Variants in KLK5 observed in about 807,000 individuals in gnomAD.
The protein encoded by KLK5 is kallikrein related peptidase 5.
Under a neutral mutation model 24.0 loss-of-function variants are expected in KLK5, and 18 were observed. The observed-to-expected ratio is 0.75, with a 90% confidence interval of 0.52 to 1.11. The LOEUF (loss-of-function observed/expected upper bound fraction) is 1.11. Ranked by LOEUF, KLK5 falls within the 50% of genes most tolerant of loss-of-function variation. KLK5 has a pLI of 0.00. For synonymous variants in KLK5, 140 were observed against 154.0 expected (o/e 0.91, Z 0.67); for missense variants, 374 against 379.2 (o/e 0.99, Z 0.11).
chr19:50,944,549 TC>T (rs2090614713), intron 5 of KLK5, among the ~76,000 whole-genome samples: 1 of 152,032 alleles, frequency 6.6e-6, no homozygotes, highest in Non-Finnish European at 1.5e-5. Flanking sequence ...ACACCTTCCT[TC>T]CCCATTCTCC....
chr19:50,949,965 C>T lies in KLK5; in HGVS notation c.225G>A (p.Met75Ile), dbSNP rs2090671649. 1 of 1,613,826 alleles carries T rather than the reference C, an allele frequency of 6.2e-7. No individual in the cohort carries two copies. Among genetic ancestry groups the T allele is most frequent in the Non-Finnish European group, 8.5e-7 (1 of 1,180,010 alleles). ...GCGCGGCCTGCCACGGCTGGGTGTG[C>T]ATATCGCAGTCGGATCCATTGATGA... ...SRIINGSDCD[M>I]HTQPWQAALL... Residue 75 changes from methionine (M) to isoleucine (I), a missense_variant, in exon 3 of 6, where the codon ATG becomes ATA. Transcript: ENST00000336334.
intron 5 of KLK5, among the ~76,000 whole-genome samples, chr19:50,946,287 A>G (rs2090633108): frequency 6.6e-6 from 1 of 152,226 alleles, no homozygotes; most frequent in Non-Finnish European, 1.5e-5. Flanking sequence ...ATAACAGGTA[A>G]ATGAGTTAAT....
Position 50,948,969 on chromosome 19 carries a change from C to G in KLK5, c.482G>C (p.Arg161Thr). The change falls in exon 4 of 6, where the codon AGA (arginine) becomes ACA (threonine). Residue 161 changes from arginine to threonine, a missense_variant. Arg to Thr is a moderately conservative substitution (Grantham distance 71). Coordinates refer to ENST00000336334, the MANE Select transcript of KLK5 (RefSeq NM_012427.5). ...GACATCTTTAGTGGGACGAATTCTT[C>G]TGTTCAGTTTGATGAGCATGAGGTC... Reference protein sequence around the residue: ...SNDLMLIKLNRRIRPTKDVRP... With the variant: ...SNDLMLIKLNTRIRPTKDVRP... 6.2e-7 allele frequency: 1 copy of G among 1,614,054 alleles called. No individual in the cohort carries two copies. The highest frequency in any genetic ancestry group is 2.2e-5 in the East Asian group (1 of 44,884).
Position 50,947,139 on chromosome 19 carries a change from G to C in KLK5, c.726+1501C>G, listed in dbSNP as rs942480593. 6.6e-6 allele frequency among the ~76,000 whole-genome samples: 1 copy of C among 152,162 alleles called. No individual in the cohort carries two copies. Among genetic ancestry groups the C allele is most frequent in the Non-Finnish European group, 1.5e-5 (1 of 68,032 alleles). ...GAGAAGGGTGCTGGTTGATGTAACA[G>C]TTTGATTTTAAATTCTGTCTTCCTC... On this transcript the variant is annotated intron_variant, in intron 5 of 5. Transcript: ENST00000336334. This position sits in a 1 kb window ranked among gnomAD's most constrained non-coding sequence, Gnocchi z 8.7.
rs1435359197 is a variant in KLK5 at position 50,952,610 on chromosome 19, G to C, written c.48C>G (p.Ile16Met). 1.4e-5 allele frequency: 22 copies of C among 1,607,414 alleles called. No homozygotes were observed. The highest frequency in any genetic ancestry group is 1.3e-5 in the Non-Finnish European group (15 of 1,177,036). Residue 16 changes from isoleucine to methionine, a missense_variant, in exon 2 of 6, where the codon ATC becomes ATG. Physicochemically the swap from Ile to Met is conservative, Grantham distance 10. Transcript: ENST00000336334. ...CTGTGACCCCCAGAAGCAAGGCTGTGATCAGAGCACAGAGCACCCACATCC... is the reference window on the plus strand; with the variant it reads ...CTGTGACCCCCAGAAGCAAGGCTGTCATCAGAGCACAGAGCACCCACATCC... ...PPWMWVLCALITALLLGVTEH... is the reference protein window; with the variant it reads ...PPWMWVLCALMTALLLGVTEH...
At chr19:50,949,807 C>T (rs1157140039) in intron 3 of KLK5, 48 bp downstream of exon 3, 1 of 1,225,870 alleles carries the variant, frequency 8.2e-7, no homozygotes, top group Non-Finnish European at 1.1e-6. Flanking sequence ...CCACCCCCAC[C>T]CCCACTTCCC....
At chr19:50,945,635 A>C (rs1019997057) in intron 5 of KLK5, among the ~76,000 whole-genome samples, 25 of 149,676 alleles carry the variant, frequency 1.7e-4, no homozygotes, top group African/African-American at 6.1e-4. Flanking sequence ...TCTACGGAAA[A>C]AAAAAAATAG....
intron 5 of KLK5, among the ~76,000 whole-genome samples, chr19:50,944,227 G>A (rs1167519405): frequency 1.3e-5 from 2 of 151,890 alleles, no homozygotes; most frequent in African/African-American, 4.8e-5. Context: ...GGCTGGTCTC[G>A]AACTCCTGGC....
chr19:50,946,845 C>A (rs1159968623), intron 5 of KLK5, among the ~76,000 whole-genome samples: 1 of 152,142 alleles, frequency 6.6e-6, no homozygotes, highest in East Asian at 1.9e-4. Flanking sequence ...AGGTGTGAGC[C>A]ACCACGCCCG....
intron 3 of KLK5, among the ~76,000 whole-genome samples, chr19:50,949,572 T>G (rs1186763981): frequency 6.6e-6 from 1 of 151,366 alleles, no homozygotes; most frequent in African/African-American, 2.4e-5. Context: ...CAACCCATCC[T>G]TGGCTCCTTC....
chr19:50,951,564 G>A (rs147246742), intron 2 of KLK5, among the ~76,000 whole-genome samples: 2,800 of 152,168 alleles, frequency 0.018, 89 homozygotes, highest in African/African-American at 0.058. Context: ...GAGCCACCGC[G>A]CCCGGCCTGG....
rs760744219 is a variant in KLK5 at position 50,950,132 on chromosome 19, G to C, written c.74-16C>G. The C allele has an allele frequency of 1.9e-6, 3 of 1,605,402 alleles. No individual in the cohort carries two copies. The highest frequency in any genetic ancestry group is 2.5e-6 in the Non-Finnish European group (3 of 1,177,236). On this transcript the variant is annotated splice_polypyrimidine_tract_variant and intron_variant, in intron 2 of 5. Transcript: ENST00000336334. The stretch of plus-strand genomic sequence containing the variant: ...AGAACATGCTCTGGGAACGGAAAAT[G>C]GGTTGGGCGGGGCTCAGAGGCGGGG...
intron 5 of KLK5, among the ~76,000 whole-genome samples, chr19:50,945,102 C>CT (rs1373653465): frequency 1.5e-3 from 211 of 143,260 alleles, no homozygotes; most frequent in African/African-American, 2.7e-3. Context: ...CCCTTCGTCT[C>CT]TTTTTTTTTT....
intron 5 of KLK5, among the ~76,000 whole-genome samples, chr19:50,944,912 T>C (rs188502006): frequency 6.6e-6 from 1 of 152,266 alleles, no homozygotes; most frequent in African/African-American, 2.4e-5. Flanking sequence ...CTCACTGCTC[T>C]TCAACAGTCA....
At chr19:50,951,321 G>T (rs2090686036) in intron 2 of KLK5, among the ~76,000 whole-genome samples, 1 of 151,612 alleles carries the variant, frequency 6.6e-6, no homozygotes, top group African/African-American at 2.4e-5. Context: ...TGCCCAGGCT[G>T]GAGTGCAATG....
At chr19:50,949,639 C>T (rs1220758798) in intron 3 of KLK5, among the ~76,000 whole-genome samples, 1 of 151,954 alleles carries the variant, frequency 6.6e-6, no homozygotes, top group African/African-American at 2.4e-5. Context: ...CCTTGCTCCC[C>T]CGCAAAACTC....
At position 50,943,809 on chromosome 19, in the gene KLK5, T is replaced by G. The variant is rs1701949; in HGVS notation, c.727-23A>C. ...ACCCTGCAGGAGAGAAAGGGGGGCA[T>G]GAGAGAGGCAGAGATGTGGCAAAGT... On this transcript the variant is annotated intron_variant, in intron 5 of 5. Coordinates refer to ENST00000336334, the MANE Select transcript of KLK5 (RefSeq NM_012427.5). 10 of 1,596,980 alleles carry G rather than the reference T, an allele frequency of 6.3e-6. No homozygotes were observed. In the South Asian group the frequency reaches 7.8e-5, roughly 12 times the overall value.
Position 50,952,857 on chromosome 19 carries a change from G to A in KLK5, c.-122C>T, listed in dbSNP as rs750032101. The stretch of plus-strand genomic sequence containing the variant: ...TAGGAGTCTAGCAGCCTCCAGACAG[G>A]GCAAGGAGGGGACAGAGAAAGATGT... On this transcript the variant is annotated 5_prime_UTR_variant, in exon 1 of 6. Transcript: ENST00000336334. 1 of 433,894 alleles carries A rather than the reference G, an allele frequency of 2.3e-6. No individual in the cohort carries two copies. The highest frequency in any genetic ancestry group is 3.6e-5 in the East Asian group (1 of 27,754). 26.9% of individuals were successfully genotyped at this position (433,894 alleles called of 1,614,324 possible).
chr19:50,951,178 A>G (rs1478405168), intron 2 of KLK5, among the ~76,000 whole-genome samples: 8 of 151,924 alleles, frequency 5.3e-5, no homozygotes, highest in East Asian at 1.9e-4. Flanking sequence ...AATCCTGTCA[A>G]TCTCCTCCTC....
Sources: gnomAD v4.1 joint callset for allele counts (sites outside exome capture counted in the v4.1 genomes callset) on GRCh38, gnomAD v4.1.1 for gene constraint, Gnocchi (gnomAD v3.1) non-coding constraint, MANE v1.5 for transcripts, NCBI Gene and HGNC (gene_info 2026-07-23, HGNC 2026-07-21) for gene names.